The following ANKRD45 variants were observed in gnomAD, a reference collection of about 807,000 sequenced individuals.
ANKRD45 encodes the protein ankyrin repeat domain 45, also known as ankyrin repeat domain-containing protein 45.
ANKRD45 carries 21 observed loss-of-function variants against 28.1 expected under a neutral mutation model. The observed-to-expected ratio is 0.75, with a 90% CI of 0.53 to 1.08. The LOEUF (loss-of-function observed/expected upper bound fraction) is 1.08, where lower values mean the gene tolerates loss of function less well. ANKRD45 is among the 50% of genes least tolerant of loss of function. The pLI, the probability that ANKRD45 is intolerant of heterozygous loss-of-function variation, is 0.00. For synonymous variants in ANKRD45, 86 were observed against 103.9 expected (o/e 0.83, Z 1.05); for missense variants, 261 against 308.7 (o/e 0.85, Z 1.16).
rs1231006592 is a variant in ANKRD45, at chr1:173,608,892, GGGGAGAGGAA to G, written c.*1243_*1252del. On this transcript the variant is annotated 3_prime_UTR_variant, in exon 6 of 6. Coordinates refer to ENST00000333279, the MANE Select transcript of ANKRD45 (RefSeq NM_198493.3). Reference sequence around the variant, plus strand: ...GGGGAGGGGAGAGGAAGGGAGGGGAGGGGAGAGGAAGGGAGAGGAAGGGAGGGGAAGGGAG... The same window carrying G: ...GGGGAGGGGAGAGGAAGGGAGGGGAGGGGAGAGGAAGGGAGGGGAAGGGAG... Among the ~76,000 whole-genome samples the G allele has an allele frequency of 8.6e-5, 7 of 81,612 alleles. No homozygotes were observed. Among genetic ancestry groups the G allele is most frequent in the African/African-American group, 1.3e-4 (2 of 15,610 alleles). The allele number at this position is 81,612 out of a possible 152,430, so 53.5% of individuals were successfully genotyped here.
At position 173,624,913 on chromosome 1, in the gene ANKRD45, T is replaced by G; in HGVS notation, c.604A>C (p.Ser202Arg). 2 of 1,613,142 alleles carry G rather than the reference T, an allele frequency of 1.2e-6. No homozygotes were observed. The highest frequency in any genetic ancestry group is 1.1e-5 in the South Asian group (1 of 90,920). The change falls in exon 5 of 6, where the codon AGT (serine) becomes CGT (arginine). Residue 202 changes from serine to arginine, a missense_variant. Physicochemically the swap from Ser to Arg is moderately radical, Grantham distance 110. Transcript: ENST00000333279. ...LLKEDKNTIL[S>R]ACRAKNEWLE... ...CACTCATTTTTTGCACGGCATGCAC[T>G]GAGGATGGTATTCTAGGGACAGAAA...
intron 3 of ANKRD45, among the ~76,000 whole-genome samples, chr1:173,641,437 C>A (rs1244670858): frequency 6.6e-6 from 1 of 152,180 alleles, no homozygotes; most frequent in Non-Finnish European, 1.5e-5. Flanking sequence ...GCCCAGAGGG[C>A]AATCCAGCTT....
intron 3 of ANKRD45, chr1:173,637,126 C>T: frequency 3.1e-6 from 3 of 979,288 alleles, no homozygotes; most frequent in African/African-American, 3.4e-5. Flanking sequence ...CTTTGGAAAC[C>T]TTTATAAACT....
chr1:173,703,822 G>A, the ANKRD45 span, among the ~76,000 whole-genome samples: 4 of 152,210 alleles, frequency 2.6e-5, no homozygotes, highest in East Asian at 1.9e-4. Flanking sequence ...GCAAGCCCAC[G>A]CAACCACAGG....
At chr1:173,663,625 C>T (rs915837341) in intron 1 of ANKRD45, among the ~76,000 whole-genome samples, 3 of 152,208 alleles carry the variant, frequency 2.0e-5, no homozygotes, top group Middle Eastern at 3.4e-3. Context: ...AAATAGTAAG[C>T]GATAAGATGT....
the ANKRD45 span, among the ~76,000 whole-genome samples, chr1:173,702,900 A>C: frequency 2.0e-5 from 3 of 150,698 alleles, no homozygotes; most frequent in Non-Finnish European, 3.0e-5. Flanking sequence ...TAATTTTTTT[A>C]TTTCTTTTAC....
At chr1:173,666,956 T>C (rs960868126) in intron 1 of ANKRD45, among the ~76,000 whole-genome samples, 10 of 152,182 alleles carry the variant, frequency 6.6e-5, no homozygotes, top group African/African-American at 2.4e-4. Flanking sequence ...GGTCTGGCTA[T>C]GTTGCCCATG....
intron 3 of ANKRD45, among the ~76,000 whole-genome samples, chr1:173,633,271 T>C (rs1008239882): frequency 1.3e-4 from 19 of 151,784 alleles, no homozygotes; most frequent in African/African-American, 4.3e-4. Flanking sequence ...TAAAATACTT[T>C]GGGATAAACT....
At chr1:173,697,460 G>A in the ANKRD45 span, among the ~76,000 whole-genome samples, 17 of 152,164 alleles carry the variant, frequency 1.1e-4, no homozygotes, top group East Asian at 3.9e-4. Context: ...GGCTAACAGC[G>A]GCTCTCTCAG....
intron 5 of ANKRD45, among the ~76,000 whole-genome samples, chr1:173,619,098 G>A (rs1020334259): frequency 2.0e-5 from 3 of 152,208 alleles, no homozygotes; most frequent in Non-Finnish European, 4.4e-5. Flanking sequence ...GAGGGAATTT[G>A]TCACCACCAG....
rs910365431 is a variant in ANKRD45 at position 173,635,336 on chromosome 1, G to A, written c.497-8177C>T. 4 of 557,998 alleles carry A rather than the reference G, an allele frequency of 7.2e-6. No individual in the cohort carries two copies. The Admixed American group carries it at 1.3e-4, about 18-fold the overall frequency. 34.6% of individuals were successfully genotyped at this position (557,998 alleles called of 1,614,324 possible). ...TGATCATCACTGTATCCTTTGCTGG[G>A]CATATTTTGCTGACTGGCAAGGTTA... On this transcript the variant is annotated intron_variant, in intron 3 of 5. Transcript: ENST00000333279.
chr1:173,638,961 T>C (rs1168650308), intron 3 of ANKRD45, among the ~76,000 whole-genome samples: 1 of 152,064 alleles, frequency 6.6e-6, no homozygotes, highest in Admixed American at 6.6e-5. Context: ...TCCCCCAAAA[T>C]AGTCAAAGGA....
chr1:173,631,082 C>T (rs867114453), intron 3 of ANKRD45, among the ~76,000 whole-genome samples: 66 of 151,990 alleles, frequency 4.3e-4, no homozygotes, highest in African/African-American at 1.6e-3. Context: ...ATAAGAAACA[C>T]ACTTCACCTG....
In ANKRD45 at chr1:173,625,626, CATATGCAGAA is replaced by C. The variant is rs139913590; in HGVS notation, c.592-711_592-702del. Among the ~76,000 whole-genome samples the C allele has an allele frequency of 1.6e-3, 244 of 152,082 alleles. No individual in the cohort carries two copies. The East Asian group carries it at 0.024, about 15-fold the overall frequency. ...CATACTGTTAAATAATAAGCAGTAGCATATGCAGAAGTATGTAGAAGCAGGTAGACTTAGA... is the reference window on the plus strand; with the variant it reads ...CATACTGTTAAATAATAAGCAGTAGCGTATGTAGAAGCAGGTAGACTTAGA... On this transcript the variant is annotated intron_variant, in intron 4 of 5. Transcript: ENST00000333279.
chr1:173,658,969 T>A lies in ANKRD45; in HGVS notation c.328+122A>T. The A allele has an allele frequency of 2.9e-6, 4 of 1,362,140 alleles. No homozygotes were observed. The South Asian group carries it at 4.6e-5, about 16-fold the overall frequency. The allele number at this position is 1,362,140 out of a possible 1,614,324, so 84.4% of individuals were successfully genotyped here. A position where few individuals can be genotyped will look rare whatever the true frequency, so the allele number is the denominator to read the frequency against. Reference sequence around the variant, plus strand: ...ATACACATACATACACCCATATAGATGTATATACACATATATGTAAAGTAT... The same window carrying A: ...ATACACATACATACACCCATATAGAAGTATATACACATATATGTAAAGTAT... On this transcript the variant is annotated intron_variant, in intron 2 of 5. Coordinates refer to ENST00000333279, the MANE Select transcript of ANKRD45 (RefSeq NM_198493.3).
At chr1:173,681,385 A>G in the ANKRD45 span, among the ~76,000 whole-genome samples, 2 of 152,158 alleles carry the variant, frequency 1.3e-5, no homozygotes, top group African/African-American at 4.8e-5. Context: ...ATTTTACTGA[A>G]GTTATGTAAC....
At chr1:173,694,732 G>A in the ANKRD45 span, among the ~76,000 whole-genome samples, 1 of 151,610 alleles carries the variant, frequency 6.6e-6, no homozygotes, top group Non-Finnish European at 1.5e-5. Flanking sequence ...CCCCCTTCAG[G>A]GTCTCCAATG....
At chr1:173,702,700 CT>C in the ANKRD45 span, among the ~76,000 whole-genome samples, 1 of 147,882 alleles carries the variant, frequency 6.8e-6, no homozygotes, top group Non-Finnish European at 1.5e-5. Flanking sequence ...AGTCTGCTGG[CT>C]GTCATTCTGT....
intron 2 of ANKRD45, among the ~76,000 whole-genome samples, chr1:173,655,519 G>A (rs981029638): frequency 1.3e-5 from 2 of 152,216 alleles, no homozygotes; most frequent in African/African-American, 4.8e-5. Flanking sequence ...CCTGTATGAG[G>A]TGTCAGTCGG....
Sources: gnomAD v4.1 joint callset for allele counts (sites outside exome capture counted in the v4.1 genomes callset) on GRCh38, gnomAD v4.1.1 for gene constraint, MANE v1.5 for transcripts, NCBI Gene and HGNC (gene_info 2026-07-23, HGNC 2026-07-21) for gene names.